The following SIPA1L3 variants were observed in gnomAD, a reference collection of about 807,000 sequenced individuals.
SIPA1L3 encodes signal induced proliferation associated 1 like 3, also known as signal-induced proliferation-associated 1-like protein 3.
SIPA1L3 carries 59 observed loss-of-function variants against 150.1 expected under a neutral mutation model. The ratio of observed to expected loss-of-function variants is 0.39; its 90% CI spans 0.32 to 0.49. The LOEUF (loss-of-function observed/expected upper bound fraction) is 0.49. Among genes scored for constraint, SIPA1L3 ranks in the 20% least tolerant of loss-of-function variants. The probability of loss-of-function intolerance (pLI) is 0.86; values close to 1 mark genes in which losing one functional copy is unlikely to be tolerated. For synonymous variants in SIPA1L3, 1,070 were observed against 1,077.6 expected, an observed-to-expected ratio of 0.99 and a Z score of 0.14; for missense variants, 2,211 against 2,489.5, an observed-to-expected ratio of 0.89 and a Z score of 2.38.
chr19:38,099,113 G>A (rs2145854983), intron 4 of SIPA1L3, among the ~76,000 whole-genome samples: 1 of 152,128 alleles, frequency 6.6e-6, no homozygotes, highest in East Asian at 1.9e-4. Flanking sequence ...TTGGCTCACT[G>A]CAACCTCCGC....
chr19:38,020,909 T>G (rs1968359531), intron 1 of SIPA1L3, among the ~76,000 whole-genome samples: 1 of 152,188 alleles, frequency 6.6e-6, no homozygotes, highest in Non-Finnish European at 1.5e-5. Context: ...CAAGCAATTC[T>G]CCTGTCTCAG....
At chr19:37,936,401 G>A (rs1013212081) in intron 1 of SIPA1L3, among the ~76,000 whole-genome samples, 9 of 152,332 alleles carry the variant, frequency 5.9e-5, no homozygotes, top group Middle Eastern at 3.4e-3. Context: ...CCTGGCATGG[G>A]CAGGGCACTG....
chr19:38,173,332 C>G (rs1463563895), intron 15 of SIPA1L3, among the ~76,000 whole-genome samples: 1 of 152,202 alleles, frequency 6.6e-6, no homozygotes, highest in Non-Finnish European at 1.5e-5. Flanking sequence ...TTGTGCCCAT[C>G]GATGACCTCA....
intron 1 of SIPA1L3, among the ~76,000 whole-genome samples, chr19:38,016,886 CTTTTTTTTTTTT>C (rs58459050): frequency 2.3e-4 from 16 of 69,140 alleles, no homozygotes; most frequent in East Asian, 1.7e-3. Context: ...CCTCCTCTGG[CTTTTTTTTTTTT>C]TTTTTTTTTT....
At chr19:37,923,790 C>T (rs1016350834) in intron 1 of SIPA1L3, among the ~76,000 whole-genome samples, 8 of 150,666 alleles carry the variant, frequency 5.3e-5, no homozygotes, top group African/African-American at 1.7e-4. Context: ...GACAGAGTCT[C>T]GTTCTGTTAC....
intron 1 of SIPA1L3, among the ~76,000 whole-genome samples, chr19:38,018,522 A>G (rs2145696037): frequency 6.6e-6 from 1 of 152,202 alleles, no homozygotes; most frequent in South Asian, 2.1e-4. Flanking sequence ...TGTATAATCC[A>G]TGGTCTTTTG....
At chr19:38,126,213 A>C (rs916400912) in intron 9 of SIPA1L3, among the ~76,000 whole-genome samples, 15 of 151,192 alleles carry the variant, frequency 9.9e-5, no homozygotes, top group African/African-American at 2.2e-4. Context: ...CAAAACAAAA[A>C]AAAACACCAC....
intron 12 of SIPA1L3, among the ~76,000 whole-genome samples, chr19:38,147,550 A>T (rs1971728185): frequency 6.6e-6 from 1 of 151,830 alleles, no homozygotes; most frequent in South Asian, 2.1e-4. Flanking sequence ...GTTTGTTTTA[A>T]TTTTTGTGTA....
intron 2 of SIPA1L3, among the ~76,000 whole-genome samples, chr19:38,074,461 A>C (rs1391613115): frequency 2.0e-5 from 3 of 152,098 alleles, no homozygotes; most frequent in Admixed American, 2.0e-4. Flanking sequence ...CGCACTCTGC[A>C]CTCTGAAGGC....
At chr19:37,923,353 C>T (rs896850430) in intron 1 of SIPA1L3, among the ~76,000 whole-genome samples, 3 of 152,268 alleles carry the variant, frequency 2.0e-5, no homozygotes, top group East Asian at 1.9e-4. Context: ...CACACCTAGG[C>T]GCTATGGAGT....
At position 37,996,968 on chromosome 19, in the gene SIPA1L3, A is replaced by T. The variant is rs145991513; in HGVS notation, c.-378-32121A>T. ...CGTCTCAGCCTCCCAAAGTGCTGCG[A>T]TTACAGGCGTGAGCCACCGTGCCCG... On this transcript the variant is annotated intron_variant, in intron 1 of 21. Coordinates refer to ENST00000222345, the MANE Select transcript of SIPA1L3 (RefSeq NM_015073.3). Among the ~76,000 whole-genome samples, 857 of 151,942 alleles carry T rather than the reference A, an allele frequency of 5.6e-3. 11 individuals carry two copies. Among genetic ancestry groups the T allele is most frequent in the African/African-American group, 0.019 (806 of 41,466 alleles).
At position 37,959,895 on chromosome 19, in the gene SIPA1L3, ATTAAAAC is replaced by A. The variant is rs954520691; in HGVS notation, c.-379+52541_-379+52547del. 6.0e-5 allele frequency among the ~76,000 whole-genome samples: 9 copies of A among 150,320 alleles called. No individual in the cohort carries two copies. The East Asian group carries it at 1.4e-3, about 23-fold the overall frequency. On this transcript the variant is annotated intron_variant, in intron 1 of 21. Coordinates refer to ENST00000222345, the MANE Select transcript of SIPA1L3 (RefSeq NM_015073.3). ...TTATCACAGCCTACTTCAGATTAAT[ATTAAAAC>A]TTAGTTCTAGTTAAATATAGAAATT...
chr19:37,985,106 G>C (rs1599868203), intron 1 of SIPA1L3, among the ~76,000 whole-genome samples: 1 of 152,130 alleles, frequency 6.6e-6, no homozygotes, highest in Admixed American at 6.5e-5. Flanking sequence ...GTAGCATTTT[G>C]GGAGGCCAAG....
At chr19:37,998,478 G>A (rs536323512) in intron 1 of SIPA1L3, among the ~76,000 whole-genome samples, 62 of 152,232 alleles carry the variant, frequency 4.1e-4, no homozygotes, top group African/African-American at 1.3e-3. Flanking sequence ...ATGATATCCG[G>A]CATTTGCTTT....
Position 38,099,962 on chromosome 19 carries a change from C to T in SIPA1L3, c.1666C>T (p.Leu556Phe). ...QYRIIFRTRE[L>F]ITLRGSILED... ...ACCTTCCCTTCTCTCCCTTGAGTAGCTCATCACCCTGCGGGGCTCCATCCT... is the reference window on the plus strand; with the variant it reads ...ACCTTCCCTTCTCTCCCTTGAGTAGTTCATCACCCTGCGGGGCTCCATCCT... The change falls in exon 5 of 22, where the codon CTC becomes TTC. Residue 556 changes from leucine to phenylalanine, a missense_variant and splice_region_variant. Leu to Phe is a conservative substitution (Grantham distance 22). This residue lies in a region of SIPA1L3 where 625 missense variants were observed against 804.2 expected (regional missense o/e 0.78). Transcript: ENST00000222345. 1.2e-6 allele frequency: 2 copies of T among 1,600,656 alleles called. No individual in the cohort carries two copies. Among genetic ancestry groups the T allele is most frequent in the Non-Finnish European group, 1.7e-6 (2 of 1,175,592 alleles).
In SIPA1L3 at chr19:38,138,910, A is replaced by AAAAAAAAAAAAAAACAAAAAC. The variant is rs1343348254; in HGVS notation, c.3144-2269_3144-2268insAAAAAAAAACAAAAACAAAAA. 5.6e-4 allele frequency among the ~76,000 whole-genome samples: 63 copies of AAAAAAAAAAAAAAACAAAAAC among 112,840 alleles called. 5 individuals are homozygous for AAAAAAAAAAAAAAACAAAAAC. Among genetic ancestry groups the AAAAAAAAAAAAAAACAAAAAC allele is most frequent in the African/African-American group, 6.5e-4 (17 of 26,240 alleles). 74.0% of individuals were successfully genotyped at this position (112,840 alleles called of 152,430 possible). A position where few individuals can be genotyped will look rare whatever the true frequency, so the allele number is the denominator to read the frequency against. The stretch of plus-strand genomic sequence containing the variant: ...GAGACTCTATCTCAAAAAAAAAAAA[A>AAAAAAAAAAAAAAACAAAAAC]AAAAACTGAGTGTGGTGGCTCACGC... On this transcript the variant is annotated intron_variant, in intron 10 of 21. Coordinates refer to ENST00000222345, the MANE Select transcript of SIPA1L3 (RefSeq NM_015073.3).
At position 38,119,807 on chromosome 19, in the gene SIPA1L3, A is replaced by G; in HGVS notation, c.2793A>G (p.Gly931=). ...PDSSTLKIFY[G]RGDHIFLQAT... ...CCTCCACACTCAAAATCTTCTATGG[A>G]CGAGGAGACCACATCTTCCTACAGG... The change falls in exon 9 of 22, where the codon GGA becomes GGG. Residue 931 remains glycine, a synonymous_variant. Coordinates refer to ENST00000222345, the MANE Select transcript of SIPA1L3 (RefSeq NM_015073.3). The G allele has an allele frequency of 3.1e-6, 5 of 1,613,794 alleles. No homozygotes were observed. Among genetic ancestry groups the G allele is most frequent in the Non-Finnish European group, 4.2e-6 (5 of 1,180,040 alleles).
chr19:38,143,552 T>TC (rs1041537020), intron 12 of SIPA1L3, among the ~76,000 whole-genome samples: 20 of 143,448 alleles, frequency 1.4e-4, no homozygotes, highest in South Asian at 4.6e-4. Context: ...CTTTTTTTTT[T>TC]TTTTTTTTTT....
chr19:38,155,214 A>G (rs1415645509), intron 13 of SIPA1L3, among the ~76,000 whole-genome samples: 2 of 152,130 alleles, frequency 1.3e-5, no homozygotes, highest in Non-Finnish European at 1.5e-5. Context: ...GTGCTACCAC[A>G]TTATGGTTTT....
Sources: allele counts gnomAD v4.1 joint callset (sites outside exome capture counted in the v4.1 genomes callset), GRCh38; gene constraint gnomAD v4.1.1; regional missense constraint gnomAD v4.1.1; transcripts MANE v1.5; gene names NCBI Gene and HGNC (gene_info 2026-07-23, HGNC 2026-07-21).